FBXW7: variants seen among roughly 807,000 people sequenced by gnomAD.
FBXW7 encodes F-box and WD repeat domain containing 7.
A neutral mutation model predicts 86.3 loss-of-function variants in FBXW7; 11 were observed. That is an observed-to-expected ratio of 0.13 (90% CI 0.08 to 0.21). The LOEUF (loss-of-function observed/expected upper bound fraction) is 0.21, where lower values mean the gene tolerates loss of function less well. Ranked by LOEUF, FBXW7 falls within the 10% of genes least tolerant of loss-of-function variation. FBXW7 has a pLI of 1.00. For synonymous variants in FBXW7, 313 were observed against 297.9 expected (o/e 1.05, Z -0.52); for missense variants, 488 against 847.4 (o/e 0.58, Z 5.27).
rs1401677260 is a variant in FBXW7, at chr4:152,367,098, T to G, written c.502-16974A>C. Among the ~76,000 whole-genome samples, 3 of 152,102 alleles carry G rather than the reference T, an allele frequency of 2.0e-5. No homozygotes were observed. The East Asian group carries it at 5.8e-4, about 29-fold the overall frequency. On this transcript the variant is annotated intron_variant, in intron 4 of 13. Transcript: ENST00000281708. ...CAATGAGAACATTTGGACACAGGGCTGGGAACATCACACACTGGGGCCTGT... is the reference window on the plus strand; with the variant it reads ...CAATGAGAACATTTGGACACAGGGCGGGGAACATCACACACTGGGGCCTGT...
At chr4:152,363,861 G>A (rs1481077219) in intron 4 of FBXW7, among the ~76,000 whole-genome samples, 2 of 152,092 alleles carry the variant, frequency 1.3e-5, no homozygotes, top group African/African-American at 2.4e-5. Flanking sequence ...TAAGGTAGAT[G>A]GGATTTGAAC....
intron 8 of FBXW7, among the ~76,000 whole-genome samples, chr4:152,331,137 T>C (rs1729528357): frequency 1.3e-5 from 2 of 152,054 alleles, no homozygotes; most frequent in Non-Finnish European, 1.5e-5. Flanking sequence ...ATTGGAATGC[T>C]TGTGCAAATG....
chr4:152,445,678 G>A (rs909233887), intron 2 of FBXW7, among the ~76,000 whole-genome samples: 1 of 151,934 alleles, frequency 6.6e-6, no homozygotes, highest in Non-Finnish European at 1.5e-5. Context: ...GAGGCCAAGC[G>A]GGGCAGATCA....
At position 152,320,590 on chromosome 4, in the gene FBXW7, AG is replaced by A. The variant is rs939590624; in HGVS notation, c.*2290del. The A allele has an allele frequency of 6.6e-6, 1 of 152,024 alleles. No individual in the cohort carries two copies. The highest frequency in any genetic ancestry group is 2.4e-5 in the African/African-American group (1 of 41,378). 9.4% of individuals were successfully genotyped at this position (152,024 alleles called of 1,614,324 possible). A position where few individuals can be genotyped will look rare whatever the true frequency, so the allele number is the denominator to read the frequency against. ...TTTTTCCCCTTACATCATAAAATTTAGATTTTATAAAATTTAGATTTGTTGA... is the reference window on the plus strand; with the variant it reads ...TTTTTCCCCTTACATCATAAAATTTAATTTTATAAAATTTAGATTTGTTGA... On this transcript the variant is annotated 3_prime_UTR_variant, in exon 14 of 14. Coordinates refer to ENST00000281708, the MANE Select transcript of FBXW7 (RefSeq NM_001349798.2).
At chr4:152,450,354 T>C (rs901903757) in intron 2 of FBXW7, among the ~76,000 whole-genome samples, 1 of 152,234 alleles carries the variant, frequency 6.6e-6, no homozygotes, top group Non-Finnish European at 1.5e-5. Context: ...CCAAGAACTC[T>C]GCTTTTCCTG....
intron 4 of FBXW7, among the ~76,000 whole-genome samples, chr4:152,383,212 T>C (rs776297036): frequency 7.2e-5 from 11 of 152,206 alleles, no homozygotes; most frequent in South Asian, 2.1e-4. Context: ...GTAATTATAG[T>C]AAAATGGGAG....
intron 6 of FBXW7, among the ~76,000 whole-genome samples, chr4:152,343,373 C>T (rs1448003228): frequency 6.6e-6 from 1 of 151,926 alleles, no homozygotes; most frequent in Admixed American, 6.6e-5. Context: ...ATTTCTTGAC[C>T]AAGGGAAGAA....
At chr4:152,467,418 T>C (rs536743912) in intron 2 of FBXW7, among the ~76,000 whole-genome samples, 1 of 152,314 alleles carries the variant, frequency 6.6e-6, no homozygotes, top group East Asian at 1.9e-4. Context: ...CTTTATAAAC[T>C]ACCCAGTCTT....
intron 4 of FBXW7, among the ~76,000 whole-genome samples, chr4:152,363,098 G>A (rs1310492913): frequency 6.6e-6 from 1 of 151,972 alleles, no homozygotes; most frequent in Non-Finnish European, 1.5e-5. Context: ...TCATTTATAG[G>A]TAGCACAGAA....
intron 4 of FBXW7, among the ~76,000 whole-genome samples, chr4:152,406,326 T>C (rs1737422248): frequency 6.6e-6 from 1 of 152,090 alleles, no homozygotes; most frequent in Admixed American, 6.6e-5. Context: ...CTGGGCACGG[T>C]GGTCCACGCC....
chr4:152,320,843 T>C lies in FBXW7; in HGVS notation c.*2038A>G, dbSNP rs990287306. On this transcript the variant is annotated 3_prime_UTR_variant, in exon 14 of 14. Transcript: ENST00000281708. ...TAAGATGGGAGATAATAGTGCCTAC[T>C]TCTCAGGGATAGTGGGAGCTTAAGA... The C allele has an allele frequency of 1.3e-5, 2 of 152,182 alleles. No homozygotes were observed. Among genetic ancestry groups the C allele is most frequent in the Admixed American group, 1.3e-4 (2 of 15,270 alleles). The allele number at this position is 152,182 out of a possible 1,614,324, so 9.4% of individuals were successfully genotyped here.
chr4:152,485,905 G>A (rs540266809), intron 2 of FBXW7, among the ~76,000 whole-genome samples: 16 of 152,260 alleles, frequency 1.1e-4, no homozygotes, highest in Admixed American at 5.2e-4. Context: ...CATAACCACA[G>A]GGATATCTTC....
At chr4:152,445,967 G>A (rs933428463) in intron 2 of FBXW7, among the ~76,000 whole-genome samples, 3 of 146,960 alleles carry the variant, frequency 2.0e-5, no homozygotes, top group Non-Finnish European at 4.5e-5. Context: ...ACAGCACTTG[G>A]TCCAAAGTAA....
intron 4 of FBXW7, among the ~76,000 whole-genome samples, chr4:152,387,493 C>T (rs946645706): frequency 7.3e-5 from 11 of 151,190 alleles, no homozygotes; most frequent in Admixed American, 2.0e-4. Context: ...CACAAATGAA[C>T]GCAATTCATG....
intron 7 of FBXW7, among the ~76,000 whole-genome samples, chr4:152,334,424 C>T (rs1332570661): frequency 6.6e-6 from 1 of 152,142 alleles, no homozygotes; most frequent in African/African-American, 2.4e-5. Context: ...CATTACTAAT[C>T]TATGTGGAAT....
In FBXW7 at chr4:152,416,859, C is replaced by CCCTGTGTGATACGCCACCA. The variant is rs576245095; in HGVS notation, c.-119-4349_-119-4331dup. Among the ~76,000 whole-genome samples, 19 of 152,126 alleles carry CCCTGTGTGATACGCCACCA rather than the reference C, an allele frequency of 1.2e-4. 1 individual carries two copies. The South Asian group carries it at 3.9e-3, about 32-fold the overall frequency. On this transcript the variant is annotated intron_variant, in intron 2 of 13. Coordinates refer to ENST00000281708, the MANE Select transcript of FBXW7 (RefSeq NM_001349798.2). ...ATATTTTGTTTTGGCTAAATTTAAT[C>CCCTGTGTGATACGCCACCA]CCTGTGTGATACGCCACCACCTGTG...
intron 2 of FBXW7, among the ~76,000 whole-genome samples, chr4:152,435,085 A>T (rs1393669571): frequency 8.6e-6 from 1 of 116,842 alleles, no homozygotes; most frequent in East Asian, 2.8e-4. Context: ...AGGGGAGGGG[A>T]GGGGAGGGGA....
chr4:152,368,642 T>TAAA (rs770882450), intron 4 of FBXW7, among the ~76,000 whole-genome samples: 11 of 152,116 alleles, frequency 7.2e-5, no homozygotes, highest in Non-Finnish European at 1.6e-4. Flanking sequence ...CATTTCTTAA[T>TAAA]TACCAAATTT....
intron 2 of FBXW7, among the ~76,000 whole-genome samples, chr4:152,439,979 T>C (rs1293292039): frequency 6.6e-6 from 1 of 152,110 alleles, no homozygotes; most frequent in Non-Finnish European, 1.5e-5. Context: ...AAAGATTAAA[T>C]TTTATTGCTA....
Sources: gnomAD v4.1 joint callset for allele counts (sites outside exome capture counted in the v4.1 genomes callset) on GRCh38, gnomAD v4.1.1 for gene constraint, MANE v1.5 for transcripts, NCBI Gene and HGNC (gene_info 2026-07-23, HGNC 2026-07-21) for gene names.